The following ZFP3 variants were observed in gnomAD, a reference collection of about 807,000 sequenced individuals.
ZFP3 encodes the protein ZFP3 zinc finger protein, also known as zinc finger protein 3 homolog.
ZFP3 carries 18 observed loss-of-function variants against 36.7 expected under a neutral mutation model. The observed-to-expected ratio is 0.49, with a 90% CI of 0.34 to 0.73. The LOEUF (loss-of-function observed/expected upper bound fraction) is 0.73. Ranked by LOEUF, ZFP3 falls within the 30% of genes least tolerant of loss-of-function variation. The pLI is 0.01. For missense variants in ZFP3, 495 were observed against 599.0 expected (o/e 0.83, Z 1.81); for synonymous variants, 218 against 199.0 (o/e 1.10, Z -0.81).
chr17:5,090,866 G>T (rs763759828), intron 1 of ZFP3, among the ~76,000 whole-genome samples: 20 of 151,834 alleles, frequency 1.3e-4, no homozygotes, highest in Non-Finnish European at 1.9e-4. Context: ...ACAGGGTTTC[G>T]CCATGTTGCC....
intron 1 of ZFP3, among the ~76,000 whole-genome samples, chr17:5,079,262 C>T (rs996024689): frequency 6.6e-6 from 1 of 152,192 alleles, no homozygotes; most frequent in Non-Finnish European, 1.5e-5. Context: ...TGGCTCATGC[C>T]TGTAATCCCA....
Position 5,093,967 on chromosome 17 carries a change from T to C in ZFP3, c.*954T>C, listed in dbSNP as rs548892622. ...CTGCTCCTAAGAATTCTGCTGCATA[T>C]ATTTTTAGCCCCATCTCCTGCCACT... is the stretch of plus-strand genomic sequence containing the variant. On this transcript the variant is annotated 3_prime_UTR_variant, in exon 2 of 2. Transcript: ENST00000318833. The C allele has an allele frequency of 6.0e-5, 10 of 167,186 alleles. No homozygotes were observed. Among genetic ancestry groups the C allele is most frequent in the African/African-American group, 1.9e-4 (8 of 41,462 alleles). The allele number at this position is 167,186 out of a possible 1,614,324, so 10.4% of individuals were successfully genotyped here. A position where few individuals can be genotyped will look rare whatever the true frequency, so the allele number is the denominator to read the frequency against.
intron 1 of ZFP3, among the ~76,000 whole-genome samples, chr17:5,083,835 T>C (rs2072106272): frequency 6.9e-6 from 1 of 144,870 alleles, no homozygotes; most frequent in African/African-American, 2.5e-5. Context: ...TTTATGTGGC[T>C]TTCCATGCAG....
intron 1 of ZFP3, among the ~76,000 whole-genome samples, chr17:5,082,043 C>G (rs1326027114): frequency 6.6e-6 from 1 of 151,090 alleles, no homozygotes; most frequent in Non-Finnish European, 1.5e-5. Context: ...GAAACCCCGC[C>G]TCTACTAAAA....
Position 5,090,694 on chromosome 17 carries a change from A to C in ZFP3, c.-8-803A>C, listed in dbSNP as rs1291844702. Among the ~76,000 whole-genome samples the C allele has an allele frequency of 2.0e-5, 3 of 152,076 alleles. No individual in the cohort carries two copies. In the South Asian group the frequency reaches 6.2e-4, roughly 32 times the overall value. ...GTCCTTTTTTTTTCTTTTTTGAGAC[A>C]GGGTCTGACTCTGTCACCCAGCCTG... On this transcript the variant is annotated intron_variant, in intron 1 of 1. Coordinates refer to ENST00000318833, the MANE Select transcript of ZFP3 (RefSeq NM_153018.3).
At chr17:5,087,077 A>ATTTTTTTTTTTT (rs35379036) in intron 1 of ZFP3, among the ~76,000 whole-genome samples, 1 of 101,570 alleles carries the variant, frequency 9.8e-6, no homozygotes, top group African/African-American at 3.9e-5. Context: ...ACTGCATTTG[A>ATTTTTTTTTTTT]TTTTTTTTTT....
chr17:5,082,812 G>A (rs1461613387), intron 1 of ZFP3, among the ~76,000 whole-genome samples: 9 of 152,200 alleles, frequency 5.9e-5, no homozygotes. Context: ...TTATAGGCGT[G>A]CCCAGTCCCA....
chr17:5,079,473 G>C lies in ZFP3; in HGVS notation c.-9+898G>C, dbSNP rs115388390. ...TTGAGCCTGGGAAGTTGAAGCTGCA[G>C]TGAGTCTGGGCAATAGAGCCAAGAC... On this transcript the variant is annotated intron_variant, in intron 1 of 1. Coordinates refer to ENST00000318833, the MANE Select transcript of ZFP3 (RefSeq NM_153018.3). Among the ~76,000 whole-genome samples, 1,315 of 152,106 alleles carry C rather than the reference G, an allele frequency of 8.6e-3. 22 individuals are homozygous for C. Among genetic ancestry groups the C allele is most frequent in the African/African-American group, 0.03 (1,256 of 41,512 alleles).
intron 1 of ZFP3, among the ~76,000 whole-genome samples, chr17:5,081,198 A>G (rs1006282542): frequency 6.7e-6 from 1 of 149,146 alleles, no homozygotes; most frequent in East Asian, 2.0e-4. Flanking sequence ...GCTTCACACC[A>G]TTCTCCTGCC....
Position 5,096,340 on chromosome 17 carries a change from T to C in ZFP3, c.*3327T>C, listed in dbSNP as rs1254673972. On this transcript the variant is annotated 3_prime_UTR_variant, in exon 2 of 2. Coordinates refer to ENST00000318833, the MANE Select transcript of ZFP3 (RefSeq NM_153018.3). Reference sequence around the variant, plus strand: ...TAATTTTAATGGTATACTAACACCTTAGGTAAATAAAATATTTCTTTACTA... The same window carrying C: ...TAATTTTAATGGTATACTAACACCTCAGGTAAATAAAATATTTCTTTACTA... 6.0e-6 allele frequency: 1 copy of C among 166,828 alleles called. No homozygotes were observed. The allele number at this position is 166,828 out of a possible 1,614,324, so 10.3% of individuals were successfully genotyped here.
chr17:5,085,056 T>C (rs1285399878), intron 1 of ZFP3, among the ~76,000 whole-genome samples: 2 of 152,186 alleles, frequency 1.3e-5, no homozygotes, highest in African/African-American at 4.8e-5. Flanking sequence ...TGTGTTTTTT[T>C]TGAGATGGAA....
In ZFP3 at chr17:5,092,500, A is replaced by G. The variant is rs977841295; in HGVS notation, c.996A>G (p.Thr332=). The change falls in exon 2 of 2, where the codon ACA becomes ACG. Residue 332 remains threonine (T), a synonymous_variant. Transcript: ENST00000318833. This position sits in a 1 kb window ranked among gnomAD's most constrained non-coding sequence, Gnocchi z 5.0. ...SELIRHQRIH[T]GDKPYECNEC... ...TTATCCGGCATCAGAGAATTCATAC[A>G]GGGGACAAACCCTATGAATGTAATG... The G allele has an allele frequency of 3.1e-6, 5 of 1,614,072 alleles. No homozygotes were observed. Among genetic ancestry groups the G allele is most frequent in the Admixed American group, 1.7e-5 (1 of 60,014 alleles).
rs2072159921 is a variant in ZFP3, at chr17:5,093,172, GCACTT to G, written c.*160_*164del. ...TAAATAGTTGGTTGAAGAAGATGAG[GCACTT>G]TTTTTTTTTTTTTTTTAAGCATTGG... On this transcript the variant is annotated 3_prime_UTR_variant, in exon 2 of 2. Transcript: ENST00000318833. 3.0e-6 allele frequency: 2 copies of G among 677,758 alleles called. No individual in the cohort carries two copies. The highest frequency in any genetic ancestry group is 4.2e-6 in the Non-Finnish European group (2 of 474,592). The allele number at this position is 677,758 out of a possible 1,614,324, so 42.0% of individuals were successfully genotyped here.
At chr17:5,084,860 A>T (rs1039604002) in intron 1 of ZFP3, among the ~76,000 whole-genome samples, 1 of 152,258 alleles carries the variant, frequency 6.6e-6, no homozygotes, top group Non-Finnish European at 1.5e-5. Context: ...TGGTGTTTCC[A>T]TATGAGTCTG....
rs551701656 is a variant in ZFP3 at position 5,093,999 on chromosome 17, A to G, written c.*986A>G. On this transcript the variant is annotated 3_prime_UTR_variant, in exon 2 of 2. Transcript: ENST00000318833. ...AGCCCCATCTCCTGCCACTGCTGAC[A>G]GATATTGTGACAGTAAGTAGCAGAC... The G allele has an allele frequency of 1.2e-5, 2 of 167,302 alleles. No homozygotes were observed. Among genetic ancestry groups the G allele is most frequent in the South Asian group, 4.2e-4 (2 of 4,816 alleles). 10.4% of individuals were successfully genotyped at this position (167,302 alleles called of 1,614,324 possible).
chr17:5,088,084 A>G (rs1242893567), intron 1 of ZFP3, among the ~76,000 whole-genome samples: 5 of 152,160 alleles, frequency 3.3e-5, no homozygotes, highest in African/African-American at 1.2e-4. Flanking sequence ...AGTCCTGACT[A>G]CTTTGAGCTT....
chr17:5,090,232 T>A (rs1222123814), intron 1 of ZFP3, among the ~76,000 whole-genome samples: 1 of 152,192 alleles, frequency 6.6e-6, no homozygotes, highest in African/African-American at 2.4e-5. Context: ...AAAACTGAGA[T>A]AACTTTCTCT....
intron 1 of ZFP3, among the ~76,000 whole-genome samples, chr17:5,083,308 A>T (rs1158903164): frequency 6.6e-6 from 1 of 152,156 alleles, no homozygotes; most frequent in African/African-American, 2.4e-5. Context: ...TTGTAATCCC[A>T]GCACTTTGGG....
rs894704613 is a variant in ZFP3, at chr17:5,094,558, T to C, written c.*1545T>C. The C allele has an allele frequency of 3.0e-5, 5 of 167,114 alleles. No individual in the cohort carries two copies. Among genetic ancestry groups the C allele is most frequent in the African/African-American group, 1.2e-4 (5 of 41,470 alleles). 10.4% of individuals were successfully genotyped at this position (167,114 alleles called of 1,614,324 possible). A position where few individuals can be genotyped will look rare whatever the true frequency, so the allele number is the denominator to read the frequency against. ...GCACTTCACCTGCTGGTCTCCAATTTTCTCCTCTGTAAAATGAAAGAGTTG... is the reference window on the plus strand; with the variant it reads ...GCACTTCACCTGCTGGTCTCCAATTCTCTCCTCTGTAAAATGAAAGAGTTG... On this transcript the variant is annotated 3_prime_UTR_variant, in exon 2 of 2. Transcript: ENST00000318833.
Sources: allele counts gnomAD v4.1 joint callset (sites outside exome capture counted in the v4.1 genomes callset), GRCh38; gene constraint gnomAD v4.1.1; non-coding constraint Gnocchi (gnomAD v3.1); transcripts MANE v1.5; gene names NCBI Gene and HGNC (gene_info 2026-07-23, HGNC 2026-07-21).